Variants in LCT observed in about 807,000 individuals in gnomAD.
LCT encodes the protein lactase/phlorizin hydrolase.
In LCT, 90 loss-of-function variants were observed where a neutral mutation model predicts 173.0. That is an observed-to-expected ratio of 0.52 (90% confidence interval 0.44 to 0.62). LCT has a LOEUF of 0.62. Ranked by LOEUF, LCT falls within the 20% of genes least tolerant of loss-of-function variation. LCT has a pLI of 0.00. For synonymous variants in LCT, 853 were observed against 957.6 expected, an observed-to-expected ratio of 0.89 and a Z score of 2.02; for missense variants, 1,864 against 2,431.4, an observed-to-expected ratio of 0.77 and a Z score of 4.91.
chr2:135,818,915 G>T (rs1487827646), intron 5 of LCT, among the ~76,000 whole-genome samples: 1 of 152,234 alleles, frequency 6.6e-6, no homozygotes, highest in Non-Finnish European at 1.5e-5. Context: ...GAAGTACACT[G>T]ATGTGGACCA....
At chr2:135,836,426 G>T in intron 1 of LCT, 104 bp downstream of exon 1, 1 of 1,031,698 alleles carries the variant, frequency 9.7e-7, no homozygotes, top group Non-Finnish European at 1.5e-6. Context: ...TAAGAGGACT[G>T]CTGAAGGTGA....
Position 135,809,861 on chromosome 2 carries a change from C to A in LCT, c.2486G>T (p.Arg829Met). 1 of 1,614,156 alleles carries A rather than the reference C, an allele frequency of 6.2e-7. No homozygotes were observed. The highest frequency in any genetic ancestry group is 8.5e-7 in the Non-Finnish European group (1 of 1,180,018). The change falls in exon 8 of 17, where the codon AGG becomes ATG. Residue 829 changes from arginine to methionine, a missense_variant. Around this residue, in one of 4 missense-constraint regions of LCT, gnomAD observed 755 missense variants for 926.3 expected, o/e 0.82. Coordinates refer to ENST00000264162, the MANE Select transcript of LCT (RefSeq NM_002299.4). This position sits in a 1 kb window ranked among gnomAD's most constrained non-coding sequence, Gnocchi z 5.5. ...AAAGTAGGCAGATTTCCTGGGAGTC[C>A]TTGACTTGCTGCTGTCGCTGAAGTT... The part of the protein sequence containing the change: ...HVNFSDSSKS[R>M]TPRKSAYFFT...
rs1176321796 is a variant in LCT at position 135,800,770 on chromosome 2, C to T, written c.4703G>A (p.Gly1568Asp). The change falls in exon 12 of 17, where the codon GGC becomes GAC. Residue 1568 changes from glycine (G) to aspartate (D), a missense_variant. By Grantham distance (94) the Gly-to-Asp change is moderately conservative. Transcript: ENST00000264162. ...NRPGTAPYIV[G>D]HNLIKAHAEA... ...AGCATGAGCCTTTATTAGATTGTGG[C>T]CAACAATGTAGGGGGCAGTGCCAGG... is the stretch of plus-strand genomic sequence containing the variant. 2 of 1,614,046 alleles carry T rather than the reference C, an allele frequency of 1.2e-6. No homozygotes were observed. Among genetic ancestry groups the T allele is most frequent in the Middle Eastern group, 1.6e-4 (1 of 6,062 alleles).
intron 6 of LCT, among the ~76,000 whole-genome samples, chr2:135,816,159 T>C (rs1293972011): frequency 6.6e-6 from 1 of 152,214 alleles, no homozygotes; most frequent in Non-Finnish European, 1.5e-5. Flanking sequence ...CCATTTAAAA[T>C]TTTGTGCCAA....
In LCT at chr2:135,818,219, G is replaced by C. The variant is rs1309862480; in HGVS notation, c.987-158C>G. Among the ~76,000 whole-genome samples, 6 of 152,214 alleles carry C rather than the reference G, an allele frequency of 3.9e-5. No individual in the cohort carries two copies. The East Asian group carries it at 1.2e-3, about 29-fold the overall frequency. On this transcript the variant is annotated intron_variant, in intron 5 of 16. Transcript: ENST00000264162. ...AGCCATGGGCAGGAAGTAACTGGCA[G>C]ATGGGAAAATTATTATTATTACCCC...
In LCT at chr2:135,788,438, A is replaced by G. The variant is rs1212864568; in HGVS notation, c.5670T>C (p.Leu1890=). ...CCAAGCCACAGACTCCAAGAAGCAC[A>G]AGAGAAAAGAGAACGTACAAAGCTG... ...AQTALYVLFS[L]VLLGVCGLAF... The change falls in exon 17 of 17, where the codon CTT becomes CTC. Residue 1890 remains leucine, a synonymous_variant. Coordinates refer to ENST00000264162, the MANE Select transcript of LCT (RefSeq NM_002299.4). The G allele has an allele frequency of 6.2e-7, 1 of 1,614,054 alleles. No individual in the cohort carries two copies. The highest frequency in any genetic ancestry group is 2.2e-5 in the East Asian group (1 of 44,890).
At chr2:135,811,217 A>T (rs2077732082) in intron 7 of LCT, among the ~76,000 whole-genome samples, 1 of 152,032 alleles carries the variant, frequency 6.6e-6, no homozygotes, top group South Asian at 2.1e-4. Context: ...ATTAAAATAA[A>T]TAAATAAATA....
intron 7 of LCT, 183 bp from the exon 8 acceptor site, chr2:135,810,176 T>C (rs2077722993): frequency 1.7e-6 from 1 of 599,340 alleles, no homozygotes; most frequent in African/African-American, 1.9e-5. Context: ...TTTTAAAGAC[T>C]AGTCAGTGCA....
chr2:135,810,080 C>A, intron 7 of LCT, 87 bp from the exon 8 acceptor site: 1 of 942,990 alleles, frequency 1.1e-6, no homozygotes, highest in South Asian at 1.4e-5. Context: ...AGGCTGGTCT[C>A]AAACTCCTGG....
In LCT at chr2:135,809,445, C is replaced by T. The variant is rs2077713411; in HGVS notation, c.2902G>A (p.Ala968Thr). The change falls in exon 8 of 17, where the codon GCT (alanine) becomes ACT (threonine). Residue 968 changes from alanine to threonine, a missense_variant. Physicochemically the swap from Ala to Thr is moderately conservative, Grantham distance 58. Coordinates refer to ENST00000264162, the MANE Select transcript of LCT (RefSeq NM_002299.4). The surrounding 1 kb of genome is among the most constrained non-coding windows in gnomAD (Gnocchi z 5.5). The stretch of plus-strand genomic sequence containing the variant: ...AAGCGGTAGGCCTTCACCTTCAAAG[C>T]TCGGAGCATATTCAGATCGGCATCC... ...QLDADLNMLR[A>T]LKVKAYRFSI... is the part of the protein sequence containing the mutation. 6.2e-7 allele frequency: 1 copy of T among 1,614,090 alleles called. No individual in the cohort carries two copies.
intron 5 of LCT, 67 bp from the exon 6 acceptor site, chr2:135,818,128 A>G: frequency 6.4e-7 from 1 of 1,564,334 alleles, no homozygotes; most frequent in Non-Finnish European, 8.8e-7. Context: ...AATGCCCCCT[A>G]CGGATGACTA....
chr2:135,794,519 AC>A, intron 14 of LCT, 121 bp downstream of exon 14: 1 of 1,072,678 alleles, frequency 9.3e-7, no homozygotes, highest in South Asian at 1.3e-5. Flanking sequence ...CATCTTGCAA[AC>A]CCCGGCACAT....
At chr2:135,831,053 G>C (rs1306101258) in intron 2 of LCT, among the ~76,000 whole-genome samples, 1 of 152,190 alleles carries the variant, frequency 6.6e-6, no homozygotes, top group East Asian at 1.9e-4. Context: ...TGCAGGCCCA[G>C]GTGGGTCCCA....
At chr2:135,806,577 T>C (rs1343226713) in intron 9 of LCT, among the ~76,000 whole-genome samples, 1 of 152,164 alleles carries the variant, frequency 6.6e-6, no homozygotes, top group Admixed American at 6.5e-5. Context: ...TTTTATGCCA[T>C]ATTTTCACTG....
chr2:135,794,390 A>C (rs1326884782), intron 14 of LCT: 2 of 478,354 alleles, frequency 4.2e-6, no homozygotes, highest in African/African-American at 3.8e-5. Context: ...AAATTTTAAA[A>C]ATGAAATAAA....
chr2:135,818,963 T>C (rs1350840103), intron 5 of LCT, among the ~76,000 whole-genome samples: 1 of 152,262 alleles, frequency 6.6e-6, no homozygotes, highest in Non-Finnish European at 1.5e-5. Flanking sequence ...CCTTTCTTCA[T>C]GCTGCTTGGA....
chr2:135,805,676 C>T (rs1428903285), intron 9 of LCT, among the ~76,000 whole-genome samples: 1 of 152,174 alleles, frequency 6.6e-6, no homozygotes, highest in Non-Finnish European at 1.5e-5. Flanking sequence ...CCAACAGGGA[C>T]TGGTCATAGT....
chr2:135,793,210 G>A (rs539621102), intron 14 of LCT, among the ~76,000 whole-genome samples: 1 of 152,350 alleles, frequency 6.6e-6, no homozygotes, highest in South Asian at 2.1e-4. Context: ...GACCCTCACA[G>A]AATCCACTTA....
intron 10 of LCT, among the ~76,000 whole-genome samples, chr2:135,804,454 G>A (rs2105528725): frequency 6.6e-6 from 1 of 152,226 alleles, no homozygotes; most frequent in South Asian, 2.1e-4. Context: ...GGCCGAGGCG[G>A]GTGGATCACT....
Sources: gnomAD v4.1 joint callset for allele counts (sites outside exome capture counted in the v4.1 genomes callset) on GRCh38, gnomAD v4.1.1 for gene constraint, gnomAD v4.1.1 regional missense constraint, Gnocchi (gnomAD v3.1) non-coding constraint, MANE v1.5 for transcripts, NCBI Gene and HGNC (gene_info 2026-07-23, HGNC 2026-07-21) for gene names.